The following PDSS2 variants were observed in gnomAD, a reference collection of about 807,000 sequenced individuals.
The protein encoded by PDSS2 is all trans-polyprenyl-diphosphate synthase PDSS2.
Under a neutral mutation model 44.5 loss-of-function variants are expected in PDSS2, and 31 were observed. The observed-to-expected ratio is 0.70, with a 90% CI of 0.52 to 0.94. PDSS2 has a LOEUF of 0.94. PDSS2 is among the 40% of genes least tolerant of loss of function. The pLI is 0.00. For synonymous variants in PDSS2, 157 were observed against 180.3 expected, an observed-to-expected ratio of 0.87 and a Z score of 1.03; for missense variants, 452 against 482.2, an observed-to-expected ratio of 0.94 and a Z score of 0.59.
At chr6:107,274,430 G>T (rs1013105276) in intron 2 of PDSS2, among the ~76,000 whole-genome samples, 2 of 151,782 alleles carry the variant, frequency 1.3e-5, no homozygotes, top group Non-Finnish European at 2.9e-5. Context: ...TTCCTTCTCT[G>T]TAATACTCCT....
At chr6:107,315,134 AGGAT>A (rs1777162045) in intron 2 of PDSS2, among the ~76,000 whole-genome samples, 1 of 152,196 alleles carries the variant, frequency 6.6e-6, no homozygotes, top group African/African-American at 2.4e-5. Flanking sequence ...TTTTCTTAAA[AGGAT>A]AACCCATTTT....
At chr6:107,379,412 A>G (rs1305956476) in intron 1 of PDSS2, among the ~76,000 whole-genome samples, 2 of 152,188 alleles carry the variant, frequency 1.3e-5, no homozygotes, top group Non-Finnish European at 2.9e-5. Context: ...ATATGTACAG[A>G]CCTACCTATT....
chr6:107,270,052 C>G (rs1413571404), intron 3 of PDSS2, among the ~76,000 whole-genome samples: 2 of 152,096 alleles, frequency 1.3e-5, no homozygotes, highest in African/African-American at 4.8e-5. Flanking sequence ...TTTCTAAAAT[C>G]TGATCAACGA....
At chr6:107,315,711 T>G (rs1218367585) in intron 2 of PDSS2, among the ~76,000 whole-genome samples, 1 of 152,186 alleles carries the variant, frequency 6.6e-6, no homozygotes, top group Non-Finnish European at 1.5e-5. Context: ...ATAATTGCTG[T>G]CCCAGAAGAA....
chr6:107,334,452 G>T, intron 1 of PDSS2, 120 bp from the exon 2 acceptor site: 1 of 902,664 alleles, frequency 1.1e-6, no homozygotes. Context: ...TTACTGAAAA[G>T]AAACAGGGTC....
chr6:107,263,446 GA>G lies in PDSS2; in HGVS notation c.630+10582del, dbSNP rs779892021. Among the ~76,000 whole-genome samples the G allele has an allele frequency of 2.2e-3, 289 of 130,070 alleles. 1 individual carries two copies. Among genetic ancestry groups the G allele is most frequent in the East Asian group, 7.8e-3 (35 of 4,512 alleles). 85.3% of individuals were successfully genotyped at this position (130,070 alleles called of 152,430 possible). A position where few individuals can be genotyped will look rare whatever the true frequency, so the allele number is the denominator to read the frequency against. On this transcript the variant is annotated intron_variant, in intron 3 of 7. Coordinates refer to ENST00000369037, the MANE Select transcript of PDSS2 (RefSeq NM_020381.4). ...CCAGCCTGGGTGACAGAGCAAGACT[GA>G]AAAAAAAAAAAAGGGTGTCTTTGAA...
chr6:107,259,046 C>T (rs966967795), intron 3 of PDSS2, among the ~76,000 whole-genome samples: 1 of 152,120 alleles, frequency 6.6e-6, no homozygotes, highest in Non-Finnish European at 1.5e-5. Flanking sequence ...AGCAGTGTTA[C>T]CTTGAGGGAA....
intron 1 of PDSS2, among the ~76,000 whole-genome samples, chr6:107,345,652 G>A (rs938407052): frequency 1.3e-5 from 2 of 151,904 alleles, no homozygotes; most frequent in Admixed American, 1.3e-4. Flanking sequence ...GGCAAATTAG[G>A]GGGGAGGGGG....
chr6:107,355,571 A>C (rs1159514476), intron 1 of PDSS2, among the ~76,000 whole-genome samples: 2 of 152,174 alleles, frequency 1.3e-5, no homozygotes, highest in African/African-American at 4.8e-5. Context: ...TAGAGGTGAG[A>C]GTCTCCAATC....
intron 1 of PDSS2, among the ~76,000 whole-genome samples, chr6:107,396,393 C>T (rs1188096058): frequency 1.3e-5 from 2 of 152,166 alleles, no homozygotes; most frequent in Non-Finnish European, 2.9e-5. Context: ...AAAGCCAAGA[C>T]AATCATAGAG....
chr6:107,408,112 C>G (rs1382273485), intron 1 of PDSS2, among the ~76,000 whole-genome samples: 1 of 152,112 alleles, frequency 6.6e-6, no homozygotes, highest in Non-Finnish European at 1.5e-5. Context: ...ACTGCAACTT[C>G]TGTCTCCTGG....
chr6:107,356,428 G>A (rs1356005763), intron 1 of PDSS2, among the ~76,000 whole-genome samples: 2 of 152,146 alleles, frequency 1.3e-5, no homozygotes, highest in Admixed American at 6.5e-5. Flanking sequence ...TGAAAATTCA[G>A]GTGTTTGGAG....
intron 2 of PDSS2, among the ~76,000 whole-genome samples, chr6:107,321,165 G>T (rs558992491): frequency 2.6e-5 from 4 of 152,266 alleles, no homozygotes; most frequent in African/African-American, 9.6e-5. Flanking sequence ...ATTATAGTTA[G>T]CTTTGCACAC....
intron 7 of PDSS2, among the ~76,000 whole-genome samples, chr6:107,162,494 C>CAAAAAAAA (rs374615595): frequency 5.1e-5 from 3 of 58,612 alleles, no homozygotes; most frequent in African/African-American, 6.2e-5. Context: ...GAGACCATCT[C>CAAAAAAAA]AAAAAAAAAA....
At chr6:107,203,773 A>G (rs1460733713) in intron 6 of PDSS2, among the ~76,000 whole-genome samples, 3 of 152,052 alleles carry the variant, frequency 2.0e-5, no homozygotes, top group Non-Finnish European at 4.4e-5. Flanking sequence ...CATTTTTATT[A>G]CCCCAGAAGG....
intron 4 of PDSS2, among the ~76,000 whole-genome samples, chr6:107,225,161 ATTTTTTTTTTTTTT>A (rs71012786): frequency 3.2e-4 from 16 of 50,384 alleles, no homozygotes; most frequent in African/African-American, 7.6e-4. Context: ...ATATATATAT[ATTTTTTTTTTTTTT>A]TTTTTTTTTT....
At chr6:107,402,314 C>T (rs1265889574) in intron 1 of PDSS2, among the ~76,000 whole-genome samples, 1 of 147,062 alleles carries the variant, frequency 6.8e-6, no homozygotes, top group African/African-American at 2.5e-5. Context: ...ACAAAAAAAA[C>T]AAAAAAGAAT....
chr6:107,416,048 GA>G (rs1456904346), intron 1 of PDSS2, among the ~76,000 whole-genome samples: 1 of 152,152 alleles, frequency 6.6e-6, no homozygotes, highest in Non-Finnish European at 1.5e-5. Flanking sequence ...TTTCTTTATA[GA>G]ATTAGAATTG....
intron 4 of PDSS2, among the ~76,000 whole-genome samples, chr6:107,241,479 TGGGACTACA>T (rs1774428562): frequency 6.6e-6 from 1 of 150,568 alleles, no homozygotes; most frequent in Non-Finnish European, 1.5e-5. Flanking sequence ...CCCGAGTAGC[TGGGACTACA>T]GGCGCCCACC....
Sources: allele counts gnomAD v4.1 joint callset (sites outside exome capture counted in the v4.1 genomes callset), GRCh38; gene constraint gnomAD v4.1.1; transcripts MANE v1.5; gene names NCBI Gene and HGNC (gene_info 2026-07-23, HGNC 2026-07-21).